SPSB1: variants seen among roughly 807,000 people sequenced by gnomAD.
SPSB1 encodes SPRY domain-containing SOCS box protein 1.
SPSB1 carries 8 observed loss-of-function variants against 21.2 expected under a neutral mutation model. That is an observed-to-expected ratio of 0.38 (90% confidence interval 0.22 to 0.68). SPSB1 has a LOEUF of 0.68. Ranked by LOEUF, SPSB1 falls within the 30% of genes least tolerant of loss-of-function variation. The pLI is 0.53. For missense variants in SPSB1, 242 were observed against 377.8 expected, an observed-to-expected ratio of 0.64 and a Z score of 2.98; for synonymous variants, 169 against 161.7, an observed-to-expected ratio of 1.05 and a Z score of -0.34.
intron 1 of SPSB1, among the ~76,000 whole-genome samples, chr1:9,332,733 A>G (rs997590524): frequency 3.3e-5 from 5 of 152,216 alleles, no homozygotes; most frequent in African/African-American, 1.2e-4. Context: ...GGTCAAGGGC[A>G]TGGTGGTATT....
Position 9,324,876 on chromosome 1 carries a change from C to T in SPSB1, c.-149-30867C>T, listed in dbSNP as rs985775190. Among the ~76,000 whole-genome samples, 2 of 152,234 alleles carry T rather than the reference C, an allele frequency of 1.3e-5. No individual in the cohort carries two copies. The highest frequency in any genetic ancestry group is 2.1e-4 in the South Asian group (1 of 4,836). ...GGCCGTGGAGCCAGCACGGTCTTGT[C>T]GGATCCAGACCAGACAAATGCTTTC... On this transcript the variant is annotated intron_variant, in intron 1 of 2. Coordinates refer to ENST00000328089, the MANE Select transcript of SPSB1 (RefSeq NM_025106.4). The surrounding 1 kb of genome is among the most constrained non-coding windows in gnomAD (Gnocchi z 4.3).
rs560692905 is a variant in SPSB1, at chr1:9,348,967, A to T, written c.-149-6776A>T. ...TGTGTGTGTGTGTGTGTGTGTGTAT[A>T]TGTGCGTGTGTGCACGTGCATGTGT... On this transcript the variant is annotated intron_variant, in intron 1 of 2. Transcript: ENST00000328089. The surrounding 1 kb of genome is among the most constrained non-coding windows in gnomAD (Gnocchi z 4.8). 7.1e-4 allele frequency among the ~76,000 whole-genome samples: 102 copies of T among 143,096 alleles called. No homozygotes were observed. Among genetic ancestry groups the T allele is most frequent in the African/African-American group, 2.7e-3 (102 of 38,324 alleles). 93.9% of individuals were successfully genotyped at this position (143,096 alleles called of 152,430 possible). A position where few individuals can be genotyped will look rare whatever the true frequency, so the allele number is the denominator to read the frequency against.
intron 1 of SPSB1, among the ~76,000 whole-genome samples, chr1:9,313,325 G>A (rs1474919946): frequency 2.0e-5 from 3 of 152,088 alleles, no homozygotes; most frequent in Non-Finnish European, 2.9e-5. Context: ...GCTTGGACCC[G>A]GGAGGCAGAG....
At chr1:9,309,230 A>AC (rs74477721) in intron 1 of SPSB1, among the ~76,000 whole-genome samples, 148,903 of 150,808 alleles carry the variant, frequency 0.99, 73,543 homozygotes, top group East Asian at 1. Context: ...GATAAGCTAG[A>AC]TCCCCCCTCA....
At position 9,367,485 on chromosome 1, in the gene SPSB1, G is replaced by T. The variant is rs767476979; in HGVS notation, c.732G>T (p.Ser244=). Residue 244 remains serine, a synonymous_variant, in exon 3 of 3, where the codon TCG becomes TCT. Coordinates refer to ENST00000328089, the MANE Select transcript of SPSB1 (RefSeq NM_025106.4). The surrounding 1 kb of genome is among the most constrained non-coding windows in gnomAD (Gnocchi z 5.9). ...CGCTCATGGATTTGTGCCGTCGCTC[G>T]GTGCGCCTGGCCCTGGGGAGGGAGC... ...PLPLMDLCRR[S]VRLALGRERL... is the part of the protein sequence containing the mutation. 2 of 1,613,446 alleles carry T rather than the reference G, an allele frequency of 1.2e-6. No individual in the cohort carries two copies. Among genetic ancestry groups the T allele is most frequent in the Admixed American group, 3.3e-5 (2 of 59,986 alleles).
rs1639146928 is a variant in SPSB1, at chr1:9,293,085, G to A, written c.-150+14G>A. The A allele has an allele frequency of 1.0e-6, 1 of 978,876 alleles. No homozygotes were observed. The allele number at this position is 978,876 out of a possible 1,614,324, so 60.6% of individuals were successfully genotyped here. On this transcript the variant is annotated intron_variant, in intron 1 of 2. Transcript: ENST00000328089. The surrounding 1 kb of genome is among the most constrained non-coding windows in gnomAD (Gnocchi z 5.1). ...ACCCCGGGCGCGGTAGGCGGCGCGG[G>A]GCACCTGGGACCCCGATGGGTGGGC...
At position 9,363,640 on chromosome 1, in the gene SPSB1, G is replaced by A. The variant is rs116041062; in HGVS notation, c.695-3808G>A. Among the ~76,000 whole-genome samples the A allele has an allele frequency of 5.4e-3, 820 of 152,242 alleles. 4 individuals are homozygous for A. Among genetic ancestry groups the A allele is most frequent in the African/African-American group, 0.019 (793 of 41,558 alleles). ...GGCTGGGGCTGGGGCTGCGGTGTCA[G>A]CCACTCAAAATAAGGCACTGGATGG... On this transcript the variant is annotated intron_variant, in intron 2 of 2. Transcript: ENST00000328089. This position sits in a 1 kb window ranked among gnomAD's most constrained non-coding sequence, Gnocchi z 4.5.
chr1:9,313,122 C>T (rs1006732331), intron 1 of SPSB1, among the ~76,000 whole-genome samples: 2 of 152,180 alleles, frequency 1.3e-5, no homozygotes, highest in African/African-American at 4.8e-5. Context: ...CAAGTCCGGG[C>T]GCGGTGGCTC....
chr1:9,312,489 C>T (rs1639537309), intron 1 of SPSB1, among the ~76,000 whole-genome samples: 1 of 152,158 alleles, frequency 6.6e-6, no homozygotes, highest in Non-Finnish European at 1.5e-5. Context: ...ATTATTAGTG[C>T]ACACATGTGG....
At chr1:9,307,185 C>T (rs545103641) in intron 1 of SPSB1, among the ~76,000 whole-genome samples, 1 of 152,306 alleles carries the variant, frequency 6.6e-6, no homozygotes, top group African/African-American at 2.4e-5. Flanking sequence ...GCTTTGGCCT[C>T]CCAAAGTGCT....
intron 2 of SPSB1, among the ~76,000 whole-genome samples, chr1:9,361,544 AC>A (rs542832579): frequency 6.7e-6 from 1 of 149,980 alleles, no homozygotes; most frequent in African/African-American, 2.5e-5. Flanking sequence ...GCCAGGCAGA[AC>A]CCCCCCGCAG....
intron 2 of SPSB1, among the ~76,000 whole-genome samples, chr1:9,361,784 C>T (rs1404118026): frequency 6.6e-6 from 1 of 152,188 alleles, no homozygotes; most frequent in Non-Finnish European, 1.5e-5. Context: ...TGGAGATGGC[C>T]ATTGCTGAGT....
At chr1:9,341,798 G>A (rs1640095681) in intron 1 of SPSB1, among the ~76,000 whole-genome samples, 1 of 152,184 alleles carries the variant, frequency 6.6e-6, no homozygotes, top group Non-Finnish European at 1.5e-5. Flanking sequence ...CACCTCCCGG[G>A]TTCAAGCGAT....
chr1:9,301,234 A>C (rs1357994914), intron 1 of SPSB1, among the ~76,000 whole-genome samples: 1 of 152,198 alleles, frequency 6.6e-6, no homozygotes, highest in East Asian at 1.9e-4. Flanking sequence ...TCACACCTGT[A>C]ATCCCAGCAC....
rs1569672691 is a variant in SPSB1, at chr1:9,367,771, C to T, written c.*196C>T. On this transcript the variant is annotated 3_prime_UTR_variant, in exon 3 of 3. Transcript: ENST00000328089. This position sits in a 1 kb window ranked among gnomAD's most constrained non-coding sequence, Gnocchi z 5.9. The stretch of plus-strand genomic sequence containing the variant: ...CAACACAGGCTCCTCTTTCCCCCTT[C>T]CCGACATCAGCAGAAGGCAGCATCC... 1 of 801,554 alleles carries T rather than the reference C, an allele frequency of 1.2e-6. No individual in the cohort carries two copies. Among genetic ancestry groups the T allele is most frequent in the East Asian group, 2.7e-5 (1 of 36,786 alleles). The allele number at this position is 801,554 out of a possible 1,614,324, so 49.7% of individuals were successfully genotyped here.
At chr1:9,360,456 A>G (rs1040453785) in intron 2 of SPSB1, among the ~76,000 whole-genome samples, 5 of 152,180 alleles carry the variant, frequency 3.3e-5, no homozygotes, top group African/African-American at 1.2e-4. Context: ...TGCTGAACAC[A>G]TTACCACAAG....
At chr1:9,326,992 G>A (rs1569602659) in intron 1 of SPSB1, among the ~76,000 whole-genome samples, 3 of 152,220 alleles carry the variant, frequency 2.0e-5, no homozygotes, top group South Asian at 4.1e-4. Flanking sequence ...CCTGGATCCC[G>A]AGAACCCCAG....
intron 1 of SPSB1, among the ~76,000 whole-genome samples, chr1:9,298,913 G>T (rs1639270564): frequency 6.6e-6 from 1 of 152,200 alleles, no homozygotes; most frequent in Admixed American, 6.5e-5. Flanking sequence ...CATTAGCGTT[G>T]CCTCTGCCTG....
chr1:9,337,061 C>T (rs1179384761), intron 1 of SPSB1, among the ~76,000 whole-genome samples: 1 of 152,136 alleles, frequency 6.6e-6, no homozygotes, highest in East Asian at 1.9e-4. Flanking sequence ...GCCCCAAATG[C>T]TCCTGGCATT....
Sources: allele counts gnomAD v4.1 joint callset (sites outside exome capture counted in the v4.1 genomes callset), GRCh38; gene constraint gnomAD v4.1.1; non-coding constraint Gnocchi (gnomAD v3.1); transcripts MANE v1.5; gene names NCBI Gene and HGNC (gene_info 2026-07-23, HGNC 2026-07-21).